Variants in NAT16 observed in about 807,000 individuals in gnomAD.
NAT16 encodes the protein probable N-acetyltransferase 16.
NAT16 carries 16 observed loss-of-function variants against 15.9 expected under a neutral mutation model. The ratio of observed to expected loss-of-function variants is 1.01; its 90% CI spans 0.68 to 1.53. The LOEUF (loss-of-function observed/expected upper bound fraction) is 1.53, where lower values mean the gene tolerates loss of function less well. Ranked by LOEUF, NAT16 falls within the 40% of genes most tolerant of loss-of-function variation. The pLI is 0.00. For missense variants in NAT16, 572 were observed against 508.4 expected (o/e 1.13, Z -1.20); for synonymous variants, 260 against 241.9 (o/e 1.07, Z -0.69).
intron 1 of NAT16, among the ~76,000 whole-genome samples, chr7:101,179,773 C>T (rs939853837): frequency 6.7e-6 from 1 of 148,620 alleles, no homozygotes; most frequent in Admixed American, 6.8e-5. Flanking sequence ...GCAAAGGGAG[C>T]GATCTGCTTG....
At position 101,174,542 on chromosome 7, in the gene NAT16, C is replaced by G. The variant is rs373407624; in HGVS notation, c.266G>C (p.Arg89Pro). 1.2e-6 allele frequency: 2 copies of G among 1,613,930 alleles called. No individual in the cohort carries two copies. Among genetic ancestry groups the G allele is most frequent in the South Asian group, 1.1e-5 (1 of 91,074 alleles). ...CAGCACCACCGTGCGGTCGGGGTCCCGGAGCCAGCTGTGGTAGCGGCTAGG... is the reference window on the plus strand; with the variant it reads ...CAGCACCACCGTGCGGTCGGGGTCCGGGAGCCAGCTGTGGTAGCGGCTAGG... ...YLPSRYHSWL[R>P]DPDRTVVLAK... is the part of the protein sequence containing the mutation. The change falls in exon 2 of 4, where the codon CGG (arginine) becomes CCG (proline). Residue 89 changes from arginine (R) to proline (P), a missense_variant. Arg to Pro is a moderately radical substitution (Grantham distance 103). Transcript: ENST00000300303.
chr7:101,178,731 A>AG (rs1797519981), intron 1 of NAT16, among the ~76,000 whole-genome samples: 1 of 149,276 alleles, frequency 6.7e-6, no homozygotes, highest in East Asian at 2.0e-4. Context: ...AAAAAAAAAA[A>AG]AAATACAAAA....
chr7:101,176,465 C>A (rs1164542664), intron 1 of NAT16, among the ~76,000 whole-genome samples: 3 of 148,262 alleles, frequency 2.0e-5, no homozygotes, highest in Non-Finnish European at 4.4e-5. Context: ...TGAGCCACTG[C>A]ACTCCAGCCT....
rs1797295644 is a variant in NAT16, at chr7:101,170,563, C to T, written c.*1516G>A. On this transcript the variant is annotated 3_prime_UTR_variant, in exon 4 of 4. Transcript: ENST00000300303. ...GTGACAAGGAGGGTGGCAGCGTGGC[C>T]AGGCACAGGATGCACCCAAGGAGAG... The T allele has an allele frequency of 6.6e-6, 1 of 152,458 alleles. No homozygotes were observed. Among genetic ancestry groups the T allele is most frequent in the African/African-American group, 2.4e-5 (1 of 41,448 alleles). The allele number at this position is 152,458 out of a possible 1,614,324, so 9.4% of individuals were successfully genotyped here.
Position 101,172,669 on chromosome 7 carries a change from G to A in NAT16, c.538-18C>T. On this transcript the variant is annotated intron_variant, in intron 3 of 3. Transcript: ENST00000300303. This position sits in a 1 kb window ranked among gnomAD's most constrained non-coding sequence, Gnocchi z 4.2. ...AGGATGCCCTGCGGGGGGCACGAGTGAGCGCGGGGAGGGGGGGCGCAGCAG... is the reference window on the plus strand; with the variant it reads ...AGGATGCCCTGCGGGGGGCACGAGTAAGCGCGGGGAGGGGGGGCGCAGCAG... 1 of 1,465,384 alleles carries A rather than the reference G, an allele frequency of 6.8e-7. No homozygotes were observed. The highest frequency in any genetic ancestry group is 8.9e-7 in the Non-Finnish European group (1 of 1,118,718). 90.8% of individuals were successfully genotyped at this position (1,465,384 alleles called of 1,614,324 possible). A position where few individuals can be genotyped will look rare whatever the true frequency, so the allele number is the denominator to read the frequency against.
Position 101,172,460 on chromosome 7 carries a change from G to C in NAT16, c.729C>G (p.Ile243Met), listed in dbSNP as rs771705925. Residue 243 changes from isoleucine (I) to methionine (M), a missense_variant, in exon 4 of 4, where the codon ATC becomes ATG. Physicochemically the swap from Ile to Met is conservative, Grantham distance 10. Coordinates refer to ENST00000300303, the MANE Select transcript of NAT16 (RefSeq NM_198571.3). The surrounding 1 kb of genome is among the most constrained non-coding windows in gnomAD (Gnocchi z 4.2). ...QRDVLPGGTI[I>M]QDWQPYRPSE... The stretch of plus-strand genomic sequence containing the variant: ...TAGGCCGGTAGGGCTGCCAGTCCTG[G>C]ATGATGGTCCCGCCTGGAAGCACGT... 1 of 1,601,078 alleles carries C rather than the reference G, an allele frequency of 6.2e-7. No homozygotes were observed. The highest frequency in any genetic ancestry group is 1.3e-5 in the African/African-American group (1 of 74,608).
Position 101,173,424 on chromosome 7 carries a change from CG to C in NAT16, c.408del (p.Leu138CysfsTer33), listed in dbSNP as rs761219923. 9.3e-5 allele frequency: 150 copies of C among 1,612,864 alleles called. No individual in the cohort carries two copies. Among genetic ancestry groups the C allele is most frequent in the Non-Finnish European group, 1.9e-5 (22 of 1,179,414 alleles). Reference protein sequence around the residue: ...VAPWERGKGVAGLLQRFCSQL... With the variant: ...VAPWERGKGVXGLLQRFCSQL... Reference sequence around the variant, plus strand: ...TGCGAGCAGAAGCGCTGCAGCAGCCCGGCCACGCCCTTCCCGCGCTCCCAGG... The same window carrying C: ...TGCGAGCAGAAGCGCTGCAGCAGCCCGCCACGCCCTTCCCGCGCTCCCAGG... On this transcript the variant is annotated frameshift_variant, in exon 3 of 4. Transcript: ENST00000300303. LOFTEE classifies it high-confidence loss of function.
chr7:101,175,766 A>G (rs1797450307), intron 1 of NAT16, among the ~76,000 whole-genome samples: 1 of 152,088 alleles, frequency 6.6e-6, no homozygotes, highest in African/African-American at 2.4e-5. Context: ...TGTCTATAAA[A>G]AAAATTAGCC....
intron 1 of NAT16, chr7:101,179,369 G>GAA (rs3988237): frequency 0.81 from 111,650 of 137,202 alleles, 46,068 homozygotes; most frequent in Non-Finnish European, 0.87. Context: ...CCCAGCAGAT[G>GAA]AAAAAAAAAA....
rs1033799254 is a variant in NAT16 at position 101,172,769 on chromosome 7, C to T, written c.538-118G>A. 1.2e-6 allele frequency: 1 copy of T among 855,190 alleles called. No homozygotes were observed. The highest frequency in any genetic ancestry group is 1.7e-6 in the Non-Finnish European group (1 of 588,916). The allele number at this position is 855,190 out of a possible 1,614,324, so 53.0% of individuals were successfully genotyped here. A position where few individuals can be genotyped will look rare whatever the true frequency, so the allele number is the denominator to read the frequency against. ...CGCCCACGGGCTCCCACCTGGGTCC[C>T]TCTGGAGGAGCGACCGTGAGGGCTC... On this transcript the variant is annotated intron_variant, in intron 3 of 3. Transcript: ENST00000300303. The surrounding 1 kb of genome is among the most constrained non-coding windows in gnomAD (Gnocchi z 4.2).
chr7:101,174,285 G>A (rs1797412694), intron 2 of NAT16: 2 of 597,876 alleles, frequency 3.3e-6, no homozygotes, highest in South Asian at 2.5e-5. Flanking sequence ...TGTCCCTCTG[G>A]TTCCTCTGCT....
rs71126381 is a variant in NAT16, at chr7:101,178,889, C to CAA, written c.-5+1151_-5+1152dup. Among the ~76,000 whole-genome samples the CAA allele has an allele frequency of 2.4e-3, 148 of 62,084 alleles. 7 individuals are homozygous for CAA. Among genetic ancestry groups the CAA allele is most frequent in the African/African-American group, 0.011 (137 of 12,080 alleles). 40.7% of individuals were successfully genotyped at this position (62,084 alleles called of 152,430 possible). A position where few individuals can be genotyped will look rare whatever the true frequency, so the allele number is the denominator to read the frequency against. On this transcript the variant is annotated intron_variant, in intron 1 of 3. Transcript: ENST00000300303. Reference sequence around the variant, plus strand: ...CTGGGCAACAAGAGTGAAACGCTGTCAAAAAAAAAAAAAAAAAAAAAGAGG... The same window carrying CAA: ...CTGGGCAACAAGAGTGAAACGCTGTCAAAAAAAAAAAAAAAAAAAAAAAGAGG...
rs1797422627 is a variant in NAT16, at chr7:101,174,544, G to C, written c.264C>G (p.Leu88=). 11 of 1,613,942 alleles carry C rather than the reference G, an allele frequency of 6.8e-6. No individual in the cohort carries two copies. The highest frequency in any genetic ancestry group is 9.3e-6 in the Non-Finnish European group (11 of 1,179,942). The stretch of plus-strand genomic sequence containing the variant: ...GCACCACCGTGCGGTCGGGGTCCCG[G>C]AGCCAGCTGTGGTAGCGGCTAGGAA... ...DYLPSRYHSW[L]RDPDRTVVLA... Residue 88 remains leucine, a synonymous_variant, in exon 2 of 4, where the codon CTC becomes CTG. Coordinates refer to ENST00000300303, the MANE Select transcript of NAT16 (RefSeq NM_198571.3).
At chr7:101,174,411 G>A (rs1797417844) in intron 2 of NAT16, 85 bp downstream of exon 2, 2 of 1,443,244 alleles carry the variant, frequency 1.4e-6, no homozygotes, top group South Asian at 1.4e-5. Context: ...AGGCTGGGGA[G>A]AAGCTCTCAT....
At chr7:101,176,062 C>T (rs989362763) in intron 1 of NAT16, among the ~76,000 whole-genome samples, 4 of 152,154 alleles carry the variant, frequency 2.6e-5, no homozygotes, top group African/African-American at 9.7e-5. Context: ...GAGGGCTCAC[C>T]CTCACCCCAT....
At chr7:101,178,335 G>A (rs1160595321) in intron 1 of NAT16, among the ~76,000 whole-genome samples, 3 of 152,056 alleles carry the variant, frequency 2.0e-5, no homozygotes, top group Non-Finnish European at 4.4e-5. Flanking sequence ...AAACCTTGGA[G>A]GAGGCGAGTA....
rs762571452 is a variant in NAT16, at chr7:101,172,289, G to T, written c.900C>A (p.Asp300Glu). The T allele has an allele frequency of 1.6e-5, 25 of 1,612,216 alleles. No individual in the cohort carries two copies. The highest frequency in any genetic ancestry group is 4.0e-5 in the African/African-American group (3 of 74,882). The change falls in exon 4 of 4, where the codon GAC becomes GAA. Residue 300 changes from aspartate to glutamate, a missense_variant. Transcript: ENST00000300303. This position sits in a 1 kb window ranked among gnomAD's most constrained non-coding sequence, Gnocchi z 4.2. ...GDGTWRYLNI[D>E]AFGSDGAQVQ... ...CCTGCGCGCCGTCGCTACCGAAGGC[G>T]TCGATGTTGAGATAGCGCCAAGTGC... is the stretch of plus-strand genomic sequence containing the variant.
In NAT16 at chr7:101,171,755, A is replaced by G; in HGVS notation, c.*324T>C. 1 of 264,744 alleles carries G rather than the reference A, an allele frequency of 3.8e-6. No individual in the cohort carries two copies. Among genetic ancestry groups the G allele is most frequent in the Non-Finnish European group, 7.1e-6 (1 of 139,956 alleles). The allele number at this position is 264,744 out of a possible 1,614,324, so 16.4% of individuals were successfully genotyped here. A position where few individuals can be genotyped will look rare whatever the true frequency, so the allele number is the denominator to read the frequency against. The stretch of plus-strand genomic sequence containing the variant: ...GGGTGAGGTGATGGAGAGGGAAGGA[A>G]GGACTCTGAAGCCTGTGCGGGGACC... On this transcript the variant is annotated 3_prime_UTR_variant, in exon 4 of 4. Coordinates refer to ENST00000300303, the MANE Select transcript of NAT16 (RefSeq NM_198571.3).
Position 101,172,682 on chromosome 7 carries a change from G to C in NAT16, c.538-31C>G, listed in dbSNP as rs370790195. The C allele has an allele frequency of 1.5e-5, 22 of 1,442,512 alleles. No individual in the cohort carries two copies. The highest frequency in any genetic ancestry group is 3.0e-5 in the African/African-American group (2 of 66,700). The allele number at this position is 1,442,512 out of a possible 1,614,324, so 89.4% of individuals were successfully genotyped here. On this transcript the variant is annotated intron_variant, in intron 3 of 3. Coordinates refer to ENST00000300303, the MANE Select transcript of NAT16 (RefSeq NM_198571.3). This position sits in a 1 kb window ranked among gnomAD's most constrained non-coding sequence, Gnocchi z 4.2. ...GGGGGCACGAGTGAGCGCGGGGAGG[G>C]GGGGCGCAGCAGGGCTGGCGAGCCC...
Sources: gnomAD v4.1 joint callset for allele counts (sites outside exome capture counted in the v4.1 genomes callset) on GRCh38, gnomAD v4.1.1 for gene constraint, Gnocchi (gnomAD v3.1) non-coding constraint, MANE v1.5 for transcripts, NCBI Gene and HGNC (gene_info 2026-07-23, HGNC 2026-07-21) for gene names.